PTGER3: variants seen among roughly 807,000 people sequenced by gnomAD.
PTGER3 encodes prostaglandin E receptor 3.
Under a neutral mutation model 34.7 loss-of-function variants are expected in PTGER3, and 22 were observed. The ratio of observed to expected loss-of-function variants is 0.63; its 90% confidence interval spans 0.45 to 0.91. PTGER3 has a LOEUF of 0.91. Ranked by LOEUF, PTGER3 falls within the 40% of genes least tolerant of loss-of-function variation. The probability of loss-of-function intolerance (pLI) is 0.00; values close to 1 mark genes in which losing one functional copy is unlikely to be tolerated. For synonymous variants in PTGER3, 241 were observed against 230.1 expected, an observed-to-expected ratio of 1.05 and a Z score of -0.43; for missense variants, 468 against 519.4, an observed-to-expected ratio of 0.90 and a Z score of 0.96.
At chr1:71,006,175 C>T (rs554927413) in intron 2 of PTGER3, 1 of 984,960 alleles carries the variant, frequency 1.0e-6, no homozygotes. Flanking sequence ...TCCTGAAATA[C>T]TAAAGAATCA....
At chr1:70,975,458 G>T (rs2100696696) in intron 2 of PTGER3, among the ~76,000 whole-genome samples, 2 of 152,180 alleles carry the variant, frequency 1.3e-5, no homozygotes, top group South Asian at 4.2e-4. Flanking sequence ...AAAGGAGAAA[G>T]AAATAAAATC....
chr1:71,008,414 T>C (rs1657157326), intron 2 of PTGER3: 1 of 882,088 alleles, frequency 1.1e-6, no homozygotes, highest in East Asian at 1.2e-4. Flanking sequence ...ATTATAACCC[T>C]TAAATAGAAT....
intron 1 of PTGER3, among the ~76,000 whole-genome samples, chr1:71,036,595 CT>C (rs901923640): frequency 6.6e-6 from 1 of 152,060 alleles, no homozygotes; most frequent in Non-Finnish European, 1.5e-5. Context: ...AATCCCAGCC[CT>C]TTGGGAGGCC....
chr1:70,873,757 C>T (rs1395839264), intron 4 of PTGER3, among the ~76,000 whole-genome samples: 1 of 151,620 alleles, frequency 6.6e-6, no homozygotes, highest in African/African-American at 2.4e-5. Flanking sequence ...AAGAGATTCT[C>T]CTGCTTCAGC....
At chr1:70,948,904 G>A (rs960311379), downstream of PTGER3, among the ~76,000 whole-genome samples, 7 of 152,060 alleles carry the variant, frequency 4.6e-5, no homozygotes, top group Admixed American at 3.3e-4. Flanking sequence ...GTTCCCTTTA[G>A]ACAGATGTCA....
At chr1:70,990,218 G>A (rs913276658) in intron 2 of PTGER3, among the ~76,000 whole-genome samples, 2 of 151,272 alleles carry the variant, frequency 1.3e-5, no homozygotes, top group South Asian at 2.1e-4. Flanking sequence ...TTAGCCAGGC[G>A]TGGTGGCGGG....
chr1:71,021,476 G>A (rs904683318), intron 1 of PTGER3, among the ~76,000 whole-genome samples: 1 of 152,054 alleles, frequency 6.6e-6, no homozygotes, highest in African/African-American at 2.4e-5. Flanking sequence ...CTTGGATTAT[G>A]GATGATGGAT....
At chr1:70,931,541 C>T (rs1392711700) in intron 4 of PTGER3, among the ~76,000 whole-genome samples, 1 of 152,230 alleles carries the variant, frequency 6.6e-6, no homozygotes, top group Non-Finnish European at 1.5e-5. Context: ...TCTATGTATC[C>T]TCTGAAATCT....
intron 4 of PTGER3, among the ~76,000 whole-genome samples, chr1:70,928,726 C>A (rs1428228025): frequency 6.6e-6 from 1 of 152,138 alleles, no homozygotes; most frequent in Non-Finnish European, 1.5e-5. Context: ...AAATATTTTT[C>A]TTCAAATGCT....
chr1:70,913,989 C>T (rs1647118807), intron 4 of PTGER3, among the ~76,000 whole-genome samples: 1 of 151,712 alleles, frequency 6.6e-6, no homozygotes. Context: ...TTTATAGAAG[C>T]CAGCTTTATA....
At chr1:70,934,827 C>A (rs181872066) in intron 4 of PTGER3, among the ~76,000 whole-genome samples, 1 of 152,214 alleles carries the variant, frequency 6.6e-6, no homozygotes, top group East Asian at 1.9e-4. Flanking sequence ...GCAGCCATAA[C>A]AACAGAAACA....
chr1:70,889,090 C>G (rs1334922390), intron 4 of PTGER3, among the ~76,000 whole-genome samples: 1 of 152,154 alleles, frequency 6.6e-6, no homozygotes, highest in Non-Finnish European at 1.5e-5. Flanking sequence ...CTAACTTGCT[C>G]TTTAGCGACA....
intron 4 of PTGER3, among the ~76,000 whole-genome samples, chr1:70,901,637 T>G (rs943518630): frequency 3.9e-5 from 6 of 152,124 alleles, no homozygotes; most frequent in African/African-American, 1.4e-4. Context: ...ATTTACAGTT[T>G]AAGGAATATG....
intron 4 of PTGER3, among the ~76,000 whole-genome samples, chr1:70,867,302 T>C (rs1234992937): frequency 6.6e-6 from 1 of 152,252 alleles, no homozygotes; most frequent in Non-Finnish European, 1.5e-5. Flanking sequence ...TGTACCTTTA[T>C]TATGGCACTT....
At chr1:70,977,655 C>G (rs1044976189) in intron 2 of PTGER3, among the ~76,000 whole-genome samples, 1 of 152,128 alleles carries the variant, frequency 6.6e-6, no homozygotes, top group South Asian at 2.1e-4. Flanking sequence ...TTACTTGAGT[C>G]CTTGTTACAG....
Position 71,047,779 on chromosome 1 carries a change from C to T in PTGER3, c.-202G>A. 1 of 430,140 alleles carries T rather than the reference C, an allele frequency of 2.3e-6. No homozygotes were observed. The highest frequency in any genetic ancestry group is 3.8e-6 in the Non-Finnish European group (1 of 265,928). 26.6% of individuals were successfully genotyped at this position (430,140 alleles called of 1,614,324 possible). ...CAGGGCTCACTGGCCCGGGAGGGAG[C>T]CACGCCTTCCTCTCTGGGAAACCTC... On this transcript the variant is annotated 5_prime_UTR_variant, in exon 1 of 4. Transcript: ENST00000306666.
intron 4 of PTGER3, among the ~76,000 whole-genome samples, chr1:70,941,820 C>T (rs1467348620): frequency 6.6e-6 from 1 of 152,134 alleles, no homozygotes; most frequent in East Asian, 1.9e-4. Flanking sequence ...AAATAGCTTC[C>T]TCAATATTAT....
At position 70,971,549 on chromosome 1, in the gene PTGER3, T is replaced by C; in HGVS notation, c.*181A>G. On this transcript the variant is annotated 3_prime_UTR_variant, in exon 4 of 4. Coordinates refer to ENST00000306666, the MANE Select transcript of PTGER3 (RefSeq NM_198719.2). ...GAAACCAATCTAATATTCAGAGGCA[T>C]GGATTATAATAATAAAGTTGATCTC... 8.0e-7 allele frequency: 1 copy of C among 1,249,322 alleles called. No individual in the cohort carries two copies. Among genetic ancestry groups the C allele is most frequent in the Non-Finnish European group, 1.0e-6 (1 of 989,392 alleles). 77.4% of individuals were successfully genotyped at this position (1,249,322 alleles called of 1,614,324 possible).
At chr1:70,944,650 C>A (rs1191543730) in intron 4 of PTGER3, among the ~76,000 whole-genome samples, 2 of 151,982 alleles carry the variant, frequency 1.3e-5, no homozygotes, top group African/African-American at 4.8e-5. Context: ...ATTATGTATA[C>A]CTAACACCAA....
Sources: gnomAD v4.1 joint callset for allele counts (sites outside exome capture counted in the v4.1 genomes callset) on GRCh38, gnomAD v4.1.1 for gene constraint, MANE v1.5 for transcripts, NCBI Gene and HGNC (gene_info 2026-07-23, HGNC 2026-07-21) for gene names.